The following EPAS1 variants were observed in gnomAD, a reference collection of about 807,000 sequenced individuals.
The protein encoded by EPAS1 is endothelial PAS domain protein 1.
A neutral mutation model predicts 87.9 loss-of-function variants in EPAS1; 23 were observed. That is an observed-to-expected ratio of 0.26 (90% CI 0.19 to 0.37). The LOEUF (loss-of-function observed/expected upper bound fraction) is 0.37, where lower values mean the gene tolerates loss of function less well. Among genes scored for constraint, EPAS1 ranks in the 10% least tolerant of loss-of-function variants. The pLI is 1.00. For synonymous variants in EPAS1, 508 were observed against 444.3 expected (o/e 1.14, Z -1.80); for missense variants, 1,138 against 1,120.7 (o/e 1.02, Z -0.22).
rs1684628444 is a variant in EPAS1, at chr2:46,371,614, T to C, written c.886+1681T>C. 6.6e-6 allele frequency among the ~76,000 whole-genome samples: 1 copy of C among 152,168 alleles called. No homozygotes were observed. The highest frequency in any genetic ancestry group is 2.4e-5 in the African/African-American group (1 of 41,428). On this transcript the variant is annotated intron_variant, in intron 7 of 15. Transcript: ENST00000263734. The surrounding 1 kb of genome is among the most constrained non-coding windows in gnomAD (Gnocchi z 4.3). Reference sequence around the variant, plus strand: ...CTGCCCAAGCTTTGAAATTGTAACATCTGGTTCCAGCCTTCCCTTTGGGAT... The same window carrying C: ...CTGCCCAAGCTTTGAAATTGTAACACCTGGTTCCAGCCTTCCCTTTGGGAT...
rs147821704 is a variant in EPAS1 at position 46,329,518 on chromosome 2, G to C, written c.27-17355G>C. 3.8e-3 allele frequency among the ~76,000 whole-genome samples: 584 copies of C among 152,242 alleles called. 2 individuals carry two copies. Among genetic ancestry groups the C allele is most frequent in the African/African-American group, 0.013 (534 of 41,550 alleles). On this transcript the variant is annotated intron_variant, in intron 1 of 15. Coordinates refer to ENST00000263734, the MANE Select transcript of EPAS1 (RefSeq NM_001430.5). ...TAATTGGCCTGTGCTCATCTCTATA[G>C]GCTTTCTATTAAAACACACACACGG...
chr2:46,382,659 TCTA>T (rs747771785), intron 15 of EPAS1, 61 bp downstream of exon 15: 196 of 1,601,852 alleles, frequency 1.2e-4, no homozygotes, highest in Non-Finnish European at 1.6e-4. Flanking sequence ...GAAGCCCACG[TCTA>T]CTTTTTTTCC....
Position 46,380,611 on chromosome 2 carries a change from T to G in EPAS1, c.1939T>G (p.Phe647Val). The G allele has an allele frequency of 1.2e-6, 2 of 1,613,906 alleles. No individual in the cohort carries two copies. Among genetic ancestry groups the G allele is most frequent in the Non-Finnish European group, 1.7e-6 (2 of 1,179,940 alleles). The change falls in exon 12 of 16, where the codon TTT (phenylalanine) becomes GTT (valine). Residue 647 changes from phenylalanine (F) to valine (V), a missense_variant. Physicochemically the swap from Phe to Val is conservative, Grantham distance 50. Around this residue, in one of 4 missense-constraint regions of EPAS1, gnomAD observed 502 missense variants for 427.1 expected, o/e 1.18. Coordinates refer to ENST00000263734, the MANE Select transcript of EPAS1 (RefSeq NM_001430.5). The surrounding 1 kb of genome is among the most constrained non-coding windows in gnomAD (Gnocchi z 4.4). ...TQWPPDPPLH[F>V]GPTKWAVGDQ... ...GTGGCCCCCAGATCCACCATTACAT[T>G]TTGGGCCCACAAAGTGGGCCGTCGG... is the stretch of plus-strand genomic sequence containing the variant.
chr2:46,374,944 G>C (rs143855298), intron 7 of EPAS1, among the ~76,000 whole-genome samples: 2 of 152,088 alleles, frequency 1.3e-5, no homozygotes, highest in Non-Finnish European at 2.9e-5. Context: ...GGGAGAAGGA[G>C]TATAAGTGAT....
At chr2:46,324,645 G>C (rs756678595) in intron 1 of EPAS1, among the ~76,000 whole-genome samples, 1 of 152,214 alleles carries the variant, frequency 6.6e-6, no homozygotes, top group African/African-American at 2.4e-5. Context: ...GCCTGGCCAG[G>C]ATGAAAACGC....
intron 14 of EPAS1, 102 bp from the exon 15 acceptor site, chr2:46,382,323 G>A (rs1037480434): frequency 4.1e-6 from 6 of 1,468,846 alleles, no homozygotes; most frequent in Non-Finnish European, 5.7e-6. Context: ...TAGTTCTGGT[G>A]ACTCTGAGCA....
intron 7 of EPAS1, among the ~76,000 whole-genome samples, chr2:46,372,908 G>A (rs1684656220): frequency 6.6e-6 from 1 of 152,210 alleles, no homozygotes; most frequent in Non-Finnish European, 1.5e-5. Flanking sequence ...GAGCCTCAGT[G>A]GCACAGATAA....
Position 46,384,641 on chromosome 2 carries a change from C to T in EPAS1, c.2594C>T (p.Ala865Val). The T allele has an allele frequency of 6.2e-7, 1 of 1,613,886 alleles. No individual in the cohort carries two copies. Among genetic ancestry groups the T allele is most frequent in the Non-Finnish European group, 8.5e-7 (1 of 1,180,012 alleles). ...TLLQGGDLLR[A>V]LDQAT is the part of the protein sequence containing the mutation. ...CTGCAAGGAGGGGACCTCCTCAGAG[C>T]CCTGGACCAGGCCACCTGAGCCAGG... Residue 865 changes from alanine to valine, a missense_variant, in exon 16 of 16, where the codon GCC (alanine) becomes GTC (valine). Physicochemically the swap from Ala to Val is moderately conservative, Grantham distance 64 (BLOSUM62 0). Coordinates refer to ENST00000263734, the MANE Select transcript of EPAS1 (RefSeq NM_001430.5).
chr2:46,382,147 C>T (rs1057146764), intron 14 of EPAS1, 58 bp downstream of exon 14: 56 of 1,511,666 alleles, frequency 3.7e-5, no homozygotes, highest in East Asian at 1.6e-4. Flanking sequence ...GACTGGGGCT[C>T]GGGAGCCCAT....
At position 46,337,854 on chromosome 2, in the gene EPAS1, C is replaced by G. The variant is rs1572627539; in HGVS notation, c.27-9019C>G. Among the ~76,000 whole-genome samples, 3 of 149,900 alleles carry G rather than the reference C, an allele frequency of 2.0e-5. No individual in the cohort carries two copies. The Admixed American group carries it at 2.0e-4, about 10-fold the overall frequency. On this transcript the variant is annotated intron_variant, in intron 1 of 15. Coordinates refer to ENST00000263734, the MANE Select transcript of EPAS1 (RefSeq NM_001430.5). ...TAGACTCCGCAAGCAAAGCACAAAC[C>G]TTTTTTTTTTCTTTTTCTTTTAAAG...
intron 1 of EPAS1, among the ~76,000 whole-genome samples, chr2:46,336,823 G>A (rs978552214): frequency 1.3e-5 from 2 of 152,218 alleles, no homozygotes; most frequent in Non-Finnish European, 2.9e-5. Context: ...TACTGAGCCT[G>A]CACTGTAACA....
chr2:46,362,977 AGTGGTGGTGGTGGTGGTGGTGGTG>A (rs75642579), intron 6 of EPAS1, among the ~76,000 whole-genome samples: 6 of 104,334 alleles, frequency 5.8e-5, no homozygotes, highest in Admixed American at 5.0e-4. Flanking sequence ...TGGTGGTGGT[AGTGGTGGTGGTGGTGGTGGTGGTG>A]GTGGTGGTGG....
Position 46,380,738 on chromosome 2 carries a change from T to G in EPAS1, c.2045+21T>G. 1 of 1,606,138 alleles carries G rather than the reference T, an allele frequency of 6.2e-7. No individual in the cohort carries two copies. The highest frequency in any genetic ancestry group is 8.5e-7 in the Non-Finnish European group (1 of 1,179,972). Reference sequence around the variant, plus strand: ...ACAAGGTAAGTGGCAGATACTCAGCTGTACCAGCAGGGCCGAACCGAGAGG... The same window carrying G: ...ACAAGGTAAGTGGCAGATACTCAGCGGTACCAGCAGGGCCGAACCGAGAGG... On this transcript the variant is annotated intron_variant, in intron 12 of 15. Transcript: ENST00000263734. The surrounding 1 kb of genome is among the most constrained non-coding windows in gnomAD (Gnocchi z 4.4).
At chr2:46,310,602 T>C (rs1278787499) in intron 1 of EPAS1, among the ~76,000 whole-genome samples, 5 of 152,216 alleles carry the variant, frequency 3.3e-5, no homozygotes, top group African/African-American at 9.6e-5. Flanking sequence ...TGAAGTCACC[T>C]GGGTAGAGCA....
intron 1 of EPAS1, among the ~76,000 whole-genome samples, chr2:46,298,922 C>T (rs977877403): frequency 2.0e-5 from 3 of 152,234 alleles, no homozygotes; most frequent in East Asian, 1.9e-4. Flanking sequence ...TCCACCCGTG[C>T]GGCCCCAGTG....
At chr2:46,349,264 T>G (rs1684096542) in intron 2 of EPAS1, among the ~76,000 whole-genome samples, 1 of 152,162 alleles carries the variant, frequency 6.6e-6, no homozygotes, top group South Asian at 2.1e-4. Context: ...GGGCTTCGTT[T>G]TGCATGCTTG....
intron 6 of EPAS1, among the ~76,000 whole-genome samples, chr2:46,368,494 G>C (rs1374511633): frequency 1.3e-5 from 2 of 152,160 alleles, no homozygotes; most frequent in African/African-American, 4.8e-5. Flanking sequence ...GGTGTGGTTG[G>C]CAAAAGTGAA....
intron 1 of EPAS1, among the ~76,000 whole-genome samples, chr2:46,311,297 T>A (rs1683208155): frequency 6.6e-6 from 1 of 152,182 alleles, no homozygotes; most frequent in Admixed American, 6.5e-5. Flanking sequence ...ACAGTCATTC[T>A]CTGCTCATTG....
chr2:46,347,418 A>C lies in EPAS1; in HGVS notation c.217+355A>C. ...ATCCTCCACACTAGATTGAGTCCGC[A>C]GGAAGCATTCTAATCCTTAACTTCC... is the stretch of plus-strand genomic sequence containing the variant. On this transcript the variant is annotated intron_variant, in intron 2 of 15. Coordinates refer to ENST00000263734, the MANE Select transcript of EPAS1 (RefSeq NM_001430.5). This position sits in a 1 kb window ranked among gnomAD's most constrained non-coding sequence, Gnocchi z 4.2. 2.7e-6 allele frequency: 1 copy of C among 370,542 alleles called. No individual in the cohort carries two copies. Among genetic ancestry groups the C allele is most frequent in the Non-Finnish European group, 5.2e-6 (1 of 193,566 alleles). The allele number at this position is 370,542 out of a possible 1,614,324, so 23.0% of individuals were successfully genotyped here. A position where few individuals can be genotyped will look rare whatever the true frequency, so the allele number is the denominator to read the frequency against.
Sources: gnomAD v4.1 joint callset for allele counts (sites outside exome capture counted in the v4.1 genomes callset) on GRCh38, gnomAD v4.1.1 for gene constraint, gnomAD v4.1.1 regional missense constraint, Gnocchi (gnomAD v3.1) non-coding constraint, MANE v1.5 for transcripts, NCBI Gene and HGNC (gene_info 2026-07-23, HGNC 2026-07-21) for gene names.